Variants in BMPER observed in about 807,000 individuals in gnomAD.
BMPER encodes BMP binding endothelial regulator.
A neutral mutation model predicts 87.3 loss-of-function variants in BMPER; 45 were observed. The observed-to-expected ratio is 0.52, with a 90% confidence interval of 0.41 to 0.66. The LOEUF (loss-of-function observed/expected upper bound fraction) is 0.66, where lower values mean the gene tolerates loss of function less well. Ranked by LOEUF, BMPER falls within the 30% of genes least tolerant of loss-of-function variation. The pLI, the probability that BMPER is intolerant of heterozygous loss-of-function variation, is 0.00. For synonymous variants in BMPER, 326 were observed against 316.2 expected (o/e 1.03, Z -0.33); for missense variants, 784 against 867.5 (o/e 0.90, Z 1.21).
At chr7:34,016,396 C>T (rs1465707330) in intron 6 of BMPER, among the ~76,000 whole-genome samples, 7 of 151,906 alleles carry the variant, frequency 4.6e-5, no homozygotes, top group Non-Finnish European at 8.8e-5. Context: ...AATGCAAGGC[C>T]TGAAAACTTT....
At chr7:34,104,954 C>T (rs925315480) in intron 13 of BMPER, among the ~76,000 whole-genome samples, 2 of 152,170 alleles carry the variant, frequency 1.3e-5, no homozygotes, top group Non-Finnish European at 2.9e-5. Context: ...ATGTTCCTTA[C>T]CCCATACATG....
At chr7:33,908,125 AG>A (rs2128600682) in intron 2 of BMPER, among the ~76,000 whole-genome samples, 1 of 152,338 alleles carries the variant, frequency 6.6e-6, no homozygotes, top group South Asian at 2.1e-4. Context: ...ATGATCTTTT[AG>A]TAAATAATTT....
chr7:33,911,267 A>G (rs569119383), intron 2 of BMPER, among the ~76,000 whole-genome samples: 1 of 152,254 alleles, frequency 6.6e-6, no homozygotes, highest in Non-Finnish European at 1.5e-5. Flanking sequence ...CACAAAGACT[A>G]GTTCTGAGAG....
intron 3 of BMPER, among the ~76,000 whole-genome samples, chr7:33,945,541 C>T (rs1345110147): frequency 6.6e-6 from 1 of 152,084 alleles, no homozygotes; most frequent in Non-Finnish European, 1.5e-5. Flanking sequence ...TGTAAGCCAC[C>T]GTCCCTGGCC....
At chr7:34,140,376 G>A (rs1790833468) in intron 13 of BMPER, among the ~76,000 whole-genome samples, 1 of 152,146 alleles carries the variant, frequency 6.6e-6, no homozygotes, top group African/African-American at 2.4e-5. Context: ...CAACATTTAT[G>A]AATTTTAACT....
Position 33,958,562 on chromosome 7 carries a change from AT to A in BMPER, c.320-7916del, listed in dbSNP as rs141993500. Among the ~76,000 whole-genome samples, 1,343 of 152,312 alleles carry A rather than the reference AT, an allele frequency of 8.8e-3. 25 individuals are homozygous for A. The highest frequency in any genetic ancestry group is 0.031 in the African/African-American group (1,278 of 41,558). Reference sequence around the variant, plus strand: ...AAGTATCATTGAAAGGCAGCATGCCATCTTCCCCAGAGACAACATTTTTACT... The same window carrying A: ...AAGTATCATTGAAAGGCAGCATGCCACTTCCCCAGAGACAACATTTTTACT... On this transcript the variant is annotated intron_variant, in intron 3 of 14. Coordinates refer to ENST00000649409, the MANE Select transcript of BMPER (RefSeq NM_001365308.1).
At chr7:34,005,578 A>G (rs573077174) in intron 6 of BMPER, among the ~76,000 whole-genome samples, 11 of 151,328 alleles carry the variant, frequency 7.3e-5, no homozygotes, top group African/African-American at 2.7e-4. Context: ...CTCCTATTTT[A>G]TTTTTTGCAG....
chr7:34,005,535 A>G (rs536472200), intron 6 of BMPER, among the ~76,000 whole-genome samples: 1 of 151,876 alleles, frequency 6.6e-6, no homozygotes, highest in Non-Finnish European at 1.5e-5. Context: ...GCAGCCTTGA[A>G]CTTCTGGGCT....
intron 2 of BMPER, among the ~76,000 whole-genome samples, chr7:33,918,877 T>G (rs903272127): frequency 2.0e-5 from 3 of 152,140 alleles, no homozygotes; most frequent in Admixed American, 2.0e-4. Flanking sequence ...GTGACTCAAA[T>G]GAGAAGTTGT....
At chr7:33,921,759 ATGTT>A (rs1206574959) in intron 2 of BMPER, 3 of 470,790 alleles carry the variant, frequency 6.4e-6, no homozygotes, top group African/African-American at 6.0e-5. Context: ...ACGTGACGTT[ATGTT>A]TGTTGCTTCT....
At chr7:34,027,423 A>G (rs138066049) in intron 6 of BMPER, among the ~76,000 whole-genome samples, 25 of 152,094 alleles carry the variant, frequency 1.6e-4, no homozygotes, top group Non-Finnish European at 3.4e-4. Flanking sequence ...TCACTTAAAA[A>G]TCTCCTAGAT....
chr7:34,057,457 G>A (rs1788315019), intron 9 of BMPER, among the ~76,000 whole-genome samples: 1 of 152,150 alleles, frequency 6.6e-6, no homozygotes, highest in African/African-American at 2.4e-5. Flanking sequence ...GATAGGCAGG[G>A]ACAGGATATC....
intron 6 of BMPER, among the ~76,000 whole-genome samples, chr7:34,038,887 G>C (rs937863474): frequency 6.6e-6 from 1 of 152,128 alleles, no homozygotes; most frequent in Non-Finnish European, 1.5e-5. Context: ...CAGGTTTTGG[G>C]GGTCAGAAAG....
intron 2 of BMPER, among the ~76,000 whole-genome samples, chr7:33,909,770 C>CA: frequency 6.6e-6 from 1 of 151,052 alleles, no homozygotes; most frequent in South Asian, 2.1e-4. Flanking sequence ...ATAGGTGGCA[C>CA]AAAGTCCTGT....
rs570861988 is a variant in BMPER, at chr7:34,061,020, T to C, written c.1033-982T>C. Among the ~76,000 whole-genome samples the C allele has an allele frequency of 5.3e-4, 80 of 152,348 alleles. 1 individual carries two copies. The highest frequency in any genetic ancestry group is 1.8e-3 in the Admixed American group (28 of 15,300). On this transcript the variant is annotated intron_variant, in intron 10 of 14. Transcript: ENST00000649409. ...CTTGTGTTGCATGACCTCAATTTCT[T>C]CACCTATAAAAAGGGAAATACTCAG...
At chr7:33,916,652 G>T (rs532845941) in intron 2 of BMPER, among the ~76,000 whole-genome samples, 1 of 152,334 alleles carries the variant, frequency 6.6e-6, no homozygotes, top group Non-Finnish European at 1.5e-5. Flanking sequence ...GCCTGCTGCT[G>T]CTTCTTCTTG....
chr7:34,103,582 C>T (rs754290504), intron 13 of BMPER, among the ~76,000 whole-genome samples: 97 of 152,168 alleles, frequency 6.4e-4, no homozygotes, highest in Non-Finnish European at 1.2e-3. Flanking sequence ...AGCTCAGCCA[C>T]TTCTCCCATT....
intron 6 of BMPER, among the ~76,000 whole-genome samples, chr7:33,983,812 A>G (rs1323917818): frequency 2.6e-5 from 4 of 152,212 alleles, no homozygotes; most frequent in African/African-American, 9.6e-5. Context: ...GTGAAGAACG[A>G]CCAGCCATTT....
At chr7:33,938,444 C>G (rs183783593) in intron 3 of BMPER, among the ~76,000 whole-genome samples, 90 of 152,268 alleles carry the variant, frequency 5.9e-4, no homozygotes, top group African/African-American at 2.1e-3. Flanking sequence ...GAGGAAGAGA[C>G]AGAGACAGAC....
Sources: allele counts gnomAD v4.1 joint callset (sites outside exome capture counted in the v4.1 genomes callset), GRCh38; gene constraint gnomAD v4.1.1; transcripts MANE v1.5; gene names NCBI Gene and HGNC (gene_info 2026-07-23, HGNC 2026-07-21).